Variants in MACROD2 observed in about 807,000 individuals in gnomAD.
MACROD2 encodes the protein ADP-ribose glycohydrolase MACROD2.
In MACROD2, 36 loss-of-function variants were observed where a neutral mutation model predicts 70.4. That is an observed-to-expected ratio of 0.51 (90% CI 0.39 to 0.68). The LOEUF (loss-of-function observed/expected upper bound fraction) is 0.68. Among genes scored for constraint, MACROD2 ranks in the 30% least tolerant of loss-of-function variants. MACROD2 has a pLI of 0.00. For missense variants in MACROD2, 496 were observed against 538.4 expected, an observed-to-expected ratio of 0.92 and a Z score of 0.78; for synonymous variants, 172 against 178.8, an observed-to-expected ratio of 0.96 and a Z score of 0.30.
chr20:14,029,212 G>C (rs1365695944), intron 2 of MACROD2, among the ~76,000 whole-genome samples: 1 of 152,170 alleles, frequency 6.6e-6, no homozygotes, highest in Non-Finnish European at 1.5e-5. Flanking sequence ...AGAGAGAACT[G>C]TCATTGTCAC....
At chr20:15,296,311 A>G (rs1192342831) in intron 6 of MACROD2, among the ~76,000 whole-genome samples, 2 of 152,168 alleles carry the variant, frequency 1.3e-5, no homozygotes, top group East Asian at 3.9e-4. Context: ...GGATAGAAAG[A>G]GAGAGACAGA....
At chr20:15,951,351 A>ACACACACACACACAC (rs71192308) in intron 12 of MACROD2, among the ~76,000 whole-genome samples, 2 of 149,176 alleles carry the variant, frequency 1.3e-5, no homozygotes, top group East Asian at 2.0e-4. Context: ...ACACACACAC[A>ACACACACACACACAC]AAGAGAGAGA....
At chr20:14,034,638 A>G (rs557633412) in intron 2 of MACROD2, among the ~76,000 whole-genome samples, 5 of 152,188 alleles carry the variant, frequency 3.3e-5, no homozygotes, top group African/African-American at 1.2e-4. Flanking sequence ...ATGTTTTGCT[A>G]TTTTTAAAAT....
intron 12 of MACROD2, among the ~76,000 whole-genome samples, chr20:15,939,587 T>A (rs556619417): frequency 6.6e-6 from 1 of 151,788 alleles, no homozygotes; most frequent in Non-Finnish European, 1.5e-5. Context: ...CCGACAAAGA[T>A]GTACAAGGAA....
At chr20:14,809,958 C>CAA (rs139229207) in intron 5 of MACROD2, among the ~76,000 whole-genome samples, 2 of 151,502 alleles carry the variant, frequency 1.3e-5, no homozygotes, top group African/African-American at 4.8e-5. Flanking sequence ...GCCTACCAAC[C>CAA]AAAAAAAGGC....
At chr20:14,305,641 A>G (rs925427086) in intron 3 of MACROD2, among the ~76,000 whole-genome samples, 1 of 152,268 alleles carries the variant, frequency 6.6e-6, no homozygotes, top group Non-Finnish European at 1.5e-5. Context: ...CCAGTACTTC[A>G]CCATTTTCCT....
intron 4 of MACROD2, among the ~76,000 whole-genome samples, chr20:14,520,957 G>GCACA (rs915683434): frequency 3.5e-4 from 20 of 57,456 alleles, no homozygotes; most frequent in South Asian, 1.9e-3. Context: ...GTGCGTGCGC[G>GCACA]CACACACACA....
chr20:15,891,135 AG>A (rs1417986971), intron 10 of MACROD2, among the ~76,000 whole-genome samples: 1 of 152,192 alleles, frequency 6.6e-6, no homozygotes, highest in East Asian at 1.9e-4. Flanking sequence ...TTAGGCAGTC[AG>A]GGAAGATCTT....
chr20:15,099,911 G>T (rs2123190323), intron 5 of MACROD2, among the ~76,000 whole-genome samples: 1 of 151,708 alleles, frequency 6.6e-6, no homozygotes, highest in Middle Eastern at 3.4e-3. Context: ...CATGTTGTTG[G>T]AAACTGGAGG....
chr20:14,741,462 T>A (rs1183819030), intron 5 of MACROD2, among the ~76,000 whole-genome samples: 1 of 152,176 alleles, frequency 6.6e-6, no homozygotes, highest in Non-Finnish European at 1.5e-5. Flanking sequence ...TAAGTACATT[T>A]ACTGATTTCA....
At chr20:14,798,129 A>G (rs1046171053) in intron 5 of MACROD2, among the ~76,000 whole-genome samples, 1 of 152,030 alleles carries the variant, frequency 6.6e-6, no homozygotes, top group East Asian at 1.9e-4. Context: ...GATATGTTCT[A>G]CAGCATTTAT....
At chr20:15,771,529 G>A (rs1294400496) in intron 8 of MACROD2, among the ~76,000 whole-genome samples, 1 of 150,650 alleles carries the variant, frequency 6.6e-6, no homozygotes, top group Non-Finnish European at 1.5e-5. Context: ...ACAGTCTTTT[G>A]TCTAAATTTT....
intron 7 of MACROD2, among the ~76,000 whole-genome samples, chr20:15,485,200 C>A (rs938824907): frequency 6.6e-6 from 1 of 151,636 alleles, no homozygotes; most frequent in African/African-American, 2.4e-5. Context: ...AGCCTAGGGA[C>A]AAAAATGAAG....
intron 8 of MACROD2, among the ~76,000 whole-genome samples, chr20:15,595,957 A>G (rs1467020456): frequency 6.6e-6 from 1 of 152,200 alleles, no homozygotes; most frequent in Non-Finnish European, 1.5e-5. Flanking sequence ...TATACTATCT[A>G]CATATATTAT....
chr20:16,046,573 G>C (rs2067384711), intron 17 of MACROD2, among the ~76,000 whole-genome samples: 1 of 151,408 alleles, frequency 6.6e-6, no homozygotes, highest in South Asian at 2.1e-4. Context: ...TCCAGATGAA[G>C]TGCCAGGATT....
At chr20:15,636,233 A>C (rs568409882) in intron 8 of MACROD2, among the ~76,000 whole-genome samples, 1 of 152,226 alleles carries the variant, frequency 6.6e-6, no homozygotes, top group East Asian at 1.9e-4. Flanking sequence ...TAAGGGAAGG[A>C]GACTTTTGTA....
At chr20:14,726,490 G>A (rs1165996761) in intron 5 of MACROD2, among the ~76,000 whole-genome samples, 3 of 152,102 alleles carry the variant, frequency 2.0e-5, no homozygotes, top group East Asian at 3.9e-4. Context: ...AGCAAGTGTC[G>A]ATACTGAGAT....
At chr20:14,655,163 A>G (rs1451001764) in intron 4 of MACROD2, among the ~76,000 whole-genome samples, 2 of 152,214 alleles carry the variant, frequency 1.3e-5, no homozygotes, top group Non-Finnish European at 2.9e-5. Context: ...TATTTATTAC[A>G]ACGTTTAAAA....
At chr20:15,342,713 A>T in intron 6 of MACROD2, among the ~76,000 whole-genome samples, 1 of 152,198 alleles carries the variant, frequency 6.6e-6, no homozygotes, top group East Asian at 1.9e-4. Flanking sequence ...ATGTGACTTA[A>T]AACATTAAAT....
Sources: gnomAD v4.1 joint callset for allele counts (sites outside exome capture counted in the v4.1 genomes callset) on GRCh38, gnomAD v4.1.1 for gene constraint, MANE v1.5 for transcripts, NCBI Gene and HGNC (gene_info 2026-07-23, HGNC 2026-07-21) for gene names.